The following PDE3A variants were observed in gnomAD, a reference collection of about 807,000 sequenced individuals.
The protein encoded by PDE3A is phosphodiesterase 3A, also known as cGMP-inhibited 3',5'-cyclic phosphodiesterase 3A.
PDE3A carries 43 observed loss-of-function variants against 98.3 expected under a neutral mutation model. The ratio of observed to expected loss-of-function variants is 0.44; its 90% confidence interval spans 0.34 to 0.56. The LOEUF is 0.56. Ranked by LOEUF, PDE3A falls within the 20% of genes least tolerant of loss-of-function variation. The pLI, the probability that PDE3A is intolerant of heterozygous loss-of-function variation, is 0.01. For missense variants in PDE3A, 1,427 were observed against 1,440.7 expected (o/e 0.99, Z 0.15); for synonymous variants, 663 against 567.9 (o/e 1.17, Z -2.38).
At chr12:20,428,457 A>G (rs921466508) in intron 1 of PDE3A, among the ~76,000 whole-genome samples, 2 of 151,672 alleles carry the variant, frequency 1.3e-5, no homozygotes, top group African/African-American at 2.4e-5. Flanking sequence ...TTTTTTTTGT[A>G]TTTTTAGTAG....
At chr12:20,500,822 C>G (rs989053872) in intron 1 of PDE3A, among the ~76,000 whole-genome samples, 6 of 146,902 alleles carry the variant, frequency 4.1e-5, no homozygotes, top group Non-Finnish European at 8.9e-5. Flanking sequence ...GGCTGGAGTA[C>G]AGTGGCGCCA....
intron 5 of PDE3A, among the ~76,000 whole-genome samples, chr12:20,625,537 TTGGAAAAAATATTC>T (rs1420135762): frequency 6.6e-6 from 1 of 152,226 alleles, no homozygotes; most frequent in Non-Finnish European, 1.5e-5. Context: ...AATTTCTGCT[TTGGAAAAAATATTC>T]GGGCTATCCA....
At chr12:20,507,195 A>T (rs1946135409) in intron 1 of PDE3A, among the ~76,000 whole-genome samples, 1 of 152,004 alleles carries the variant, frequency 6.6e-6, no homozygotes, top group Non-Finnish European at 1.5e-5. Context: ...AGACTATGCT[A>T]CATAGCTAAT....
At chr12:20,605,711 C>T (rs1227691192) in intron 2 of PDE3A, among the ~76,000 whole-genome samples, 1 of 152,068 alleles carries the variant, frequency 6.6e-6, no homozygotes, top group Non-Finnish European at 1.5e-5. Flanking sequence ...TTTTAAGTGG[C>T]CTAATTTGAA....
chr12:20,605,836 T>C (rs1943697412), intron 2 of PDE3A, among the ~76,000 whole-genome samples: 1 of 152,142 alleles, frequency 6.6e-6, no homozygotes. Flanking sequence ...TTGGTGCTGC[T>C]TCTAATTCTT....
intron 2 of PDE3A, among the ~76,000 whole-genome samples, chr12:20,562,219 C>CTTTTT (rs138632511): frequency 8.8e-6 from 1 of 114,192 alleles, no homozygotes; most frequent in Non-Finnish European, 1.8e-5. Context: ...AGAAAATATG[C>CTTTTT]TTTTTTTTTT....
At chr12:20,523,623 T>G (rs1429286945) in intron 1 of PDE3A, among the ~76,000 whole-genome samples, 1 of 152,222 alleles carries the variant, frequency 6.6e-6, no homozygotes, top group Non-Finnish European at 1.5e-5. Flanking sequence ...TGATTTTTAG[T>G]GTCCTAGACC....
chr12:20,646,118 T>G (rs1944769951), intron 10 of PDE3A, among the ~76,000 whole-genome samples: 1 of 152,232 alleles, frequency 6.6e-6, no homozygotes. Context: ...ATGTCATAGC[T>G]ATTACATTTA....
At chr12:20,402,185 A>G (rs1944145411) in intron 1 of PDE3A, among the ~76,000 whole-genome samples, 2 of 151,940 alleles carry the variant, frequency 1.3e-5, no homozygotes, top group South Asian at 4.2e-4. Context: ...TTTTTGAGAG[A>G]GAGTCTCACT....
intron 5 of PDE3A, among the ~76,000 whole-genome samples, 191 bp downstream of exon 5, chr12:20,621,602 GATA>G (rs1367898546): frequency 1.3e-5 from 2 of 151,984 alleles, no homozygotes; most frequent in African/African-American, 4.8e-5. Context: ...TACCTTATGT[GATA>G]ATACAGATTC....
intron 1 of PDE3A, among the ~76,000 whole-genome samples, chr12:20,431,298 T>C (rs2120801679): frequency 6.6e-6 from 1 of 152,296 alleles, no homozygotes; most frequent in Non-Finnish European, 1.5e-5. Flanking sequence ...CTCCAGTAGG[T>C]TTATCAGATG....
At chr12:20,449,194 G>A (rs147429524) in intron 1 of PDE3A, among the ~76,000 whole-genome samples, 32 of 152,288 alleles carry the variant, frequency 2.1e-4, no homozygotes, top group African/African-American at 7.7e-4. Context: ...TTGTCCCCTA[G>A]CAAGAGAAGA....
At chr12:20,412,485 C>T (rs1176814966) in intron 1 of PDE3A, among the ~76,000 whole-genome samples, 1 of 152,076 alleles carries the variant, frequency 6.6e-6, no homozygotes, top group Non-Finnish European at 1.5e-5. Context: ...ATTATCCCAA[C>T]ATTAGAAGTA....
At chr12:20,418,763 AC>A in intron 1 of PDE3A, among the ~76,000 whole-genome samples, 2 of 151,274 alleles carry the variant, frequency 1.3e-5, no homozygotes, top group South Asian at 2.1e-4. Flanking sequence ...TTCCCACAAC[AC>A]TTTTTTTAAT....
At chr12:20,573,966 T>C (rs1942867391) in intron 2 of PDE3A, among the ~76,000 whole-genome samples, 1 of 152,090 alleles carries the variant, frequency 6.6e-6, no homozygotes, top group Non-Finnish European at 1.5e-5. Context: ...CACGGAAATA[T>C]AGCCCTGCAT....
At chr12:20,504,297 A>G (rs1946076038) in intron 1 of PDE3A, among the ~76,000 whole-genome samples, 1 of 152,082 alleles carries the variant, frequency 6.6e-6, no homozygotes, top group Admixed American at 6.6e-5. Flanking sequence ...ACTCCTGACC[A>G]CAGAGAGCAT....
chr12:20,496,229 G>A (rs1945916393), intron 1 of PDE3A, among the ~76,000 whole-genome samples: 1 of 152,164 alleles, frequency 6.6e-6, no homozygotes, highest in Non-Finnish European at 1.5e-5. Flanking sequence ...TATTCCATAT[G>A]TTTGATGTGT....
rs551620590 is a variant in PDE3A, at chr12:20,671,509, G to C, written c.3185-8521G>C. Among the ~76,000 whole-genome samples the C allele has an allele frequency of 2.7e-3, 415 of 151,776 alleles. 2 individuals are homozygous for C. The highest frequency in any genetic ancestry group is 9.8e-3 in the African/African-American group (406 of 41,410). On this transcript the variant is annotated intron_variant, in intron 15 of 15. Transcript: ENST00000359062. ...CAAAAAGCTTATCCACAATGATCAAGTGGGCTTCATCCCTGGGATGCAAGG... is the reference window on the plus strand; with the variant it reads ...CAAAAAGCTTATCCACAATGATCAACTGGGCTTCATCCCTGGGATGCAAGG...
intron 4 of PDE3A, among the ~76,000 whole-genome samples, chr12:20,617,974 G>T (rs200226752): frequency 5.3e-5 from 8 of 152,052 alleles, no homozygotes; most frequent in Admixed American, 5.2e-4. Flanking sequence ...ATTTACAATA[G>T]AAATAAGGAA....
Sources: gnomAD v4.1 joint callset for allele counts (sites outside exome capture counted in the v4.1 genomes callset) on GRCh38, gnomAD v4.1.1 for gene constraint, MANE v1.5 for transcripts, NCBI Gene and HGNC (gene_info 2026-07-23, HGNC 2026-07-21) for gene names.